Variants in PDE4C observed in about 807,000 individuals in gnomAD.
PDE4C encodes the protein 3',5'-cyclic-AMP phosphodiesterase 4C.
A neutral mutation model predicts 63.9 loss-of-function variants in PDE4C; 50 were observed. That is an observed-to-expected ratio of 0.78 (90% CI 0.62 to 0.99). The LOEUF is 0.99. Among genes scored for constraint, PDE4C ranks in the 50% least tolerant of loss-of-function variants. The pLI is 0.00. For synonymous variants in PDE4C, 377 were observed against 385.1 expected, an observed-to-expected ratio of 0.98 and a Z score of 0.25; for missense variants, 777 against 899.1, an observed-to-expected ratio of 0.86 and a Z score of 1.74.
chr19:18,216,793 TG>T lies in PDE4C; in HGVS notation c.1336del (p.Gln446ArgfsTer9). On this transcript the variant is annotated frameshift_variant, in exon 12 of 15. Coordinates refer to ENST00000262805, the Ensembl canonical transcript of PDE4C. LOFTEE classifies it high-confidence loss of function. ...CAGTCGCTGCTTGGCGCTGAGGTTC[TG>T]GAAGATATCGCAGTTCTCTGCCTGC... 1 of 1,614,086 alleles carries T rather than the reference TG, an allele frequency of 6.2e-7. No individual in the cohort carries two copies. Among genetic ancestry groups the T allele is most frequent in the Non-Finnish European group, 8.5e-7 (1 of 1,179,978 alleles).
At chr19:18,225,121 G>C (rs567961142) in intron 1 of PDE4C, among the ~76,000 whole-genome samples, 10 of 152,190 alleles carry the variant, frequency 6.6e-5, no homozygotes, top group African/African-American at 2.2e-4. Flanking sequence ...AGCCGGGAGC[G>C]GCGGGGTCAG....
chr19:18,222,690 CCTTT>C (rs2148032794), intron 1 of PDE4C, among the ~76,000 whole-genome samples: 1 of 86,104 alleles, frequency 1.2e-5, no homozygotes, highest in East Asian at 3.8e-4. Flanking sequence ...TCTCTCTCGC[CCTTT>C]CTTTTCTTTT....
exon 1 of PDE4C, chr19:18,233,096 C>T: frequency 1.3e-6 from 2 of 1,570,696 alleles, no homozygotes; most frequent in African/African-American, 1.3e-5. Flanking sequence ...GTTGCCGCCA[C>T]AGGTGCTTCG....
At chr19:18,228,518 T>G (rs1264454236), upstream of PDE4C, among the ~76,000 whole-genome samples, 2 of 152,206 alleles carry the variant, frequency 1.3e-5, no homozygotes, top group Non-Finnish European at 2.9e-5. Context: ...GGTAGTGTTC[T>G]TCCCAGCCTG....
the PDE4C span, among the ~76,000 whole-genome samples, chr19:18,254,764 C>T: frequency 6.6e-6 from 1 of 152,170 alleles, no homozygotes; most frequent in Non-Finnish European, 1.5e-5. Context: ...CCACCCTAGG[C>T]ACTGTCTTAT....
chr19:18,246,269 G>A (rs544448131), intron 1 of PDE4C, among the ~76,000 whole-genome samples: 9 of 147,022 alleles, frequency 6.1e-5, no homozygotes, highest in East Asian at 2.0e-4. Context: ...CTGCAGCCTC[G>A]ACCTCCCGTG....
chr19:18,213,368 C>T (rs1277116805), exon 13 of PDE4C: 2 of 1,612,536 alleles, frequency 1.2e-6, no homozygotes, highest in African/African-American at 2.7e-5. Flanking sequence ...AGCTACACAC[C>T]TGGATTCGGT....
chr19:18,252,032 C>T (rs2148082834), upstream of PDE4C: 1 of 398,752 alleles, frequency 2.5e-6, no homozygotes, highest in East Asian at 3.6e-5. Flanking sequence ...CCCGCCACCT[C>T]CCTACAAACA....
At chr19:18,251,260 G>A (rs11672885), upstream of PDE4C, among the ~76,000 whole-genome samples, 26,856 of 149,430 alleles carry the variant, frequency 0.18, 2,627 homozygotes, top group East Asian at 0.36. Flanking sequence ...CAAGTAGCCC[G>A]GATTACAGGC....
At chr19:18,212,303 C>A (rs1273202726) in intron 13 of PDE4C, among the ~76,000 whole-genome samples, 2 of 151,728 alleles carry the variant, frequency 1.3e-5, no homozygotes, top group African/African-American at 4.8e-5. Flanking sequence ...CCCAGCCCAG[C>A]CTCCCGAGTA....
chr19:18,211,931 T>C (rs148641627), exon 14 of PDE4C: 5 of 1,614,022 alleles, frequency 3.1e-6, no homozygotes, highest in Non-Finnish European at 4.2e-6. Flanking sequence ...GTGCACCAGG[T>C]TCTGCAAGAC....
Position 18,220,767 on chromosome 19 carries a change from G to A in PDE4C, c.499+107C>T, listed in dbSNP as rs373326683. 3.4e-5 allele frequency: 38 copies of A among 1,118,206 alleles called. No homozygotes were observed. The East Asian group carries it at 4.4e-4, about 13-fold the overall frequency. The allele number at this position is 1,118,206 out of a possible 1,614,324, so 69.3% of individuals were successfully genotyped here. On this transcript the variant is annotated intron_variant, in intron 5 of 14. Transcript: ENST00000262805. The surrounding 1 kb of genome is among the most constrained non-coding windows in gnomAD (Gnocchi z 5.1). ...GGGCGTTATTGTTTTTGCAGGGGCG[G>A]GGCTACAATTAGCCCCAGTATAAGG...
chr19:18,219,655 C>G (rs1020985570), intron 7 of PDE4C: 2 of 413,510 alleles, frequency 4.8e-6, no homozygotes, highest in African/African-American at 2.1e-5. Context: ...GAAACCCCAT[C>G]GCTACTAAAA....
chr19:18,221,567 A>C (rs1156306878), intron 2 of PDE4C, among the ~76,000 whole-genome samples: 1 of 152,124 alleles, frequency 6.6e-6, no homozygotes, highest in African/African-American at 2.4e-5. Flanking sequence ...AGGAAGCTCA[A>C]ATCAAAGTAT....
rs1199712120 is a variant in PDE4C, at chr19:18,222,700, C to CTTTT, written c.147-381_147-378dup. Among the ~76,000 whole-genome samples, 497 of 53,368 alleles carry CTTTT rather than the reference C, an allele frequency of 9.3e-3. 67 individuals carry two copies. The highest frequency in any genetic ancestry group is 0.012 in the Non-Finnish European group (386 of 32,356). The allele number at this position is 53,368 out of a possible 152,430, so 35.0% of individuals were successfully genotyped here. On this transcript the variant is annotated intron_variant, in intron 1 of 14. Coordinates refer to ENST00000262805, the Ensembl canonical transcript of PDE4C. The stretch of plus-strand genomic sequence containing the variant: ...CTCTCTCTCTCTCGCCCTTTCTTTT[C>CTTTT]TTTTTTTTTTTTTTTTTTTGACAGG...
Position 18,220,074 on chromosome 19 carries a change from G to C in PDE4C, c.706+152C>G. On this transcript the variant is annotated intron_variant, in intron 7 of 14. Coordinates refer to ENST00000262805, the Ensembl canonical transcript of PDE4C. The surrounding 1 kb of genome is among the most constrained non-coding windows in gnomAD (Gnocchi z 5.1). ...TCCCCTGCTCCTGGAAGTTCCCCTT[G>C]TTCCTCCCTCTGATCCAGCCCTGAC... 1.5e-6 allele frequency: 1 copy of C among 682,796 alleles called. No homozygotes were observed. The highest frequency in any genetic ancestry group is 2.6e-6 in the Non-Finnish European group (1 of 381,712). 42.3% of individuals were successfully genotyped at this position (682,796 alleles called of 1,614,324 possible).
chr19:18,233,015 C>T, exon 1 of PDE4C: 1 of 1,535,470 alleles, frequency 6.5e-7, no homozygotes, highest in East Asian at 2.4e-5. Context: ...GGCTCAGGTC[C>T]CTCTCGCGGC....
upstream of PDE4C, among the ~76,000 whole-genome samples, chr19:18,249,432 G>A (rs558820813): frequency 5.9e-5 from 9 of 151,952 alleles, no homozygotes; most frequent in South Asian, 1.2e-3. Context: ...ACACCACCAC[G>A]CCTGGCTAAT....
upstream of PDE4C, among the ~76,000 whole-genome samples, chr19:18,226,661 A>G (rs1968742414): frequency 7.1e-6 from 1 of 140,916 alleles, no homozygotes; most frequent in Non-Finnish European, 1.5e-5. Flanking sequence ...GCTGGAGTGC[A>G]GTGGCACAGT....
Sources: allele counts gnomAD v4.1 joint callset (sites outside exome capture counted in the v4.1 genomes callset), GRCh38; gene constraint gnomAD v4.1.1; non-coding constraint Gnocchi (gnomAD v3.1); transcripts MANE v1.5; gene names NCBI Gene and HGNC (gene_info 2026-07-23, HGNC 2026-07-21).